The following CELSR1 variants were observed in gnomAD, a reference collection of about 807,000 sequenced individuals.
CELSR1 encodes adhesion G protein-coupled receptor C1.
A neutral mutation model predicts 249.1 loss-of-function variants in CELSR1; 110 were observed. That is an observed-to-expected ratio of 0.44 (90% CI 0.38 to 0.52). CELSR1 has a LOEUF of 0.52. Among genes scored for constraint, CELSR1 ranks in the 20% least tolerant of loss-of-function variants. The probability of loss-of-function intolerance (pLI) is 0.00; values close to 1 mark genes in which losing one functional copy is unlikely to be tolerated. For missense variants in CELSR1, 4,109 were observed against 4,296.4 expected, an observed-to-expected ratio of 0.96 and a Z score of 1.22; for synonymous variants, 2,113 against 1,900.0, an observed-to-expected ratio of 1.11 and a Z score of -2.92.
intron 1 of CELSR1, among the ~76,000 whole-genome samples, chr22:46,530,117 C>T (rs2080776793): frequency 6.6e-6 from 1 of 151,598 alleles, no homozygotes; most frequent in African/African-American, 2.4e-5. Flanking sequence ...GGAGACCAGA[C>T]TGAATAACAT....
rs1369934813 is a variant in CELSR1, at chr22:46,536,745, C to G, written c.426G>C (p.Ala142=). The change falls in exon 1 of 35, where the codon GCG becomes GCC. Residue 142 remains alanine (A), a synonymous_variant. Transcript: ENST00000674500. ...TCGGAGCTGCGAGCGCCGAATGCTG[C>G]GCGGCCGCGCAGCCGCCGGGGACGG... ...CFPVPGGCAA[A]QHSALAAPTT... 4 of 1,176,048 alleles carry G rather than the reference C, an allele frequency of 3.4e-6. No individual in the cohort carries two copies. Among genetic ancestry groups the G allele is most frequent in the Non-Finnish European group, 4.2e-6 (4 of 953,414 alleles). 72.9% of individuals were successfully genotyped at this position (1,176,048 alleles called of 1,614,324 possible).
chr22:46,490,831 C>T lies in CELSR1; in HGVS notation c.3545-26486G>A, dbSNP rs149225790. 9.7e-3 allele frequency among the ~76,000 whole-genome samples: 1,471 copies of T among 152,284 alleles called. 7 individuals are homozygous for T. The highest frequency in any genetic ancestry group is 0.034 in the Middle Eastern group (10 of 294). On this transcript the variant is annotated intron_variant, in intron 1 of 34. Transcript: ENST00000674500. The surrounding 1 kb of genome is among the most constrained non-coding windows in gnomAD (Gnocchi z 5.2). ...ACCCAGCTGGCCTGGGGCTGCTGCACGTGCCGCACCCTGATCCTCCAGGCA... is the reference window on the plus strand; with the variant it reads ...ACCCAGCTGGCCTGGGGCTGCTGCATGTGCCGCACCCTGATCCTCCAGGCA...
chr22:46,366,135 G>A (rs1266231755), intron 30 of CELSR1, among the ~76,000 whole-genome samples: 1 of 22,166 alleles, frequency 4.5e-5, no homozygotes, highest in South Asian at 2.3e-3. Context: ...AAGGTTGCAC[G>A]GGAAAAGGTT....
intron 25 of CELSR1, chr22:46,370,218 C>T: frequency 2.2e-6 from 1 of 447,948 alleles, no homozygotes; most frequent in South Asian, 1.6e-5. Flanking sequence ...GGCTCCAAAA[C>T]AGATGGAGGA....
rs183225310 is a variant in CELSR1 at position 46,524,154 on chromosome 22, C to T, written c.3544+9473G>A. Among the ~76,000 whole-genome samples, 7 of 152,328 alleles carry T rather than the reference C, an allele frequency of 4.6e-5. No homozygotes were observed. In the East Asian group the frequency reaches 1.4e-3, roughly 29 times the overall value. ...ACCCCAGAGTCTGCGCCTGGCTCTT[C>T]CTGTCGCTACAAGCTCTCTAGCCTC... On this transcript the variant is annotated intron_variant, in intron 1 of 34. Transcript: ENST00000674500.
intron 2 of CELSR1, among the ~76,000 whole-genome samples, chr22:46,453,467 G>A (rs1438868090): frequency 1.3e-5 from 2 of 152,152 alleles, no homozygotes; most frequent in Non-Finnish European, 2.9e-5. Flanking sequence ...GTCACGAACT[G>A]CCCTCATTAA....
chr22:46,537,126 C>A lies in CELSR1; in HGVS notation c.45G>T (p.Leu15=). The change falls in exon 1 of 35, where the codon CTG becomes CTT. Residue 15 remains leucine (L), a synonymous_variant. Coordinates refer to ENST00000674500, the MANE Select transcript of CELSR1 (RefSeq NM_001378328.1). This position sits in a 1 kb window ranked among gnomAD's most constrained non-coding sequence, Gnocchi z 5.8. ...PPPVLPVLLL[L]AAAAALPAMG... is the part of the protein sequence containing the mutation. Reference sequence around the variant, plus strand: ...TCGCCGGCAGGGCGGCGGCGGCGGCCAGGAGCAGCAGCACGGGCAGCACGG... The same window carrying A: ...TCGCCGGCAGGGCGGCGGCGGCGGCAAGGAGCAGCAGCACGGGCAGCACGG... 11 of 1,034,760 alleles carry A rather than the reference C, an allele frequency of 1.1e-5. No individual in the cohort carries two copies. Among genetic ancestry groups the A allele is most frequent in the Non-Finnish European group, 1.2e-5 (10 of 864,908 alleles). 64.1% of individuals were successfully genotyped at this position (1,034,760 alleles called of 1,614,324 possible). A position where few individuals can be genotyped will look rare whatever the true frequency, so the allele number is the denominator to read the frequency against.
At chr22:46,386,997 AT>A (rs2079040935) in intron 18 of CELSR1, among the ~76,000 whole-genome samples, 1 of 152,082 alleles carries the variant, frequency 6.6e-6, no homozygotes, top group East Asian at 1.9e-4. Context: ...ACCTCAGGTG[AT>A]TCACCTGCCT....
At chr22:46,456,717 G>C (rs1262233234) in intron 2 of CELSR1, among the ~76,000 whole-genome samples, 2 of 149,586 alleles carry the variant, frequency 1.3e-5, no homozygotes, top group East Asian at 2.0e-4. Flanking sequence ...CACAGCTGGA[G>C]TGACGTACAC....
chr22:46,456,429 G>A (rs1414530561), intron 2 of CELSR1, among the ~76,000 whole-genome samples: 1 of 152,144 alleles, frequency 6.6e-6, no homozygotes, highest in Non-Finnish European at 1.5e-5. Flanking sequence ...GGAGGCCAAG[G>A]CGGGCAGATC....
intron 1 of CELSR1, among the ~76,000 whole-genome samples, chr22:46,493,783 C>T: frequency 6.6e-6 from 1 of 152,128 alleles, no homozygotes; most frequent in East Asian, 1.9e-4. Flanking sequence ...TTTCTCTTGC[C>T]TGCCACCATG....
In CELSR1 at chr22:46,366,483, G is replaced by T. The variant is rs1025316799; in HGVS notation, c.8206-3C>A. The T allele has an allele frequency of 1.9e-5, 30 of 1,549,320 alleles. No homozygotes were observed. Among genetic ancestry groups the T allele is most frequent in the Non-Finnish European group, 2.5e-5 (29 of 1,145,946 alleles). ...GTGGTGTTGCAGTTGAGGGAGCGCT[G>T]AAGGGAGGGGAGGGGCTGGTCACTG... On this transcript the variant is annotated splice_polypyrimidine_tract_variant and splice_region_variant and intron_variant, in intron 29 of 34. Coordinates refer to ENST00000674500, the MANE Select transcript of CELSR1 (RefSeq NM_001378328.1).
At position 46,386,519 on chromosome 22, in the gene CELSR1, G is replaced by C. The variant is rs766828660; in HGVS notation, c.6622C>G (p.Arg2208Gly). Residue 2208 changes from arginine (R) to glycine (G), a missense_variant, in exon 19 of 35, where the codon CGG (arginine) becomes GGG (glycine). By Grantham distance (125) the Arg-to-Gly change is moderately radical (BLOSUM62 -2). Transcript: ENST00000674500. Reference sequence around the variant, plus strand: ...AGCTGTGCCGTGCCGCCCTCGCTCCGCTGGATCTGCTCCCACGCCGCCCTG... The same window carrying C: ...AGCTGTGCCGTGCCGCCCTCGCTCCCCTGGATCTGCTCCCACGCCGCCCTG... Reference protein sequence around the residue: ...ATRAAWEQIQRSEGGTAQLLR... With the variant: ...ATRAAWEQIQGSEGGTAQLLR... 131 of 1,596,742 alleles carry C rather than the reference G, an allele frequency of 8.2e-5. No individual in the cohort carries two copies. The highest frequency in any genetic ancestry group is 1.0e-4 in the Non-Finnish European group (120 of 1,172,952).
chr22:46,396,464 C>T lies in CELSR1; in HGVS notation c.5843+141G>A, dbSNP rs1200667896. On this transcript the variant is annotated intron_variant, in intron 13 of 34. Transcript: ENST00000674500. The surrounding 1 kb of genome is among the most constrained non-coding windows in gnomAD (Gnocchi z 6.4). ...AAATTTGATTTTCACTTAATTCATG[C>T]CAAATTAAAAAAAAATATGTCCCTG... 8.1e-6 allele frequency: 7 copies of T among 869,472 alleles called. No homozygotes were observed. Among genetic ancestry groups the T allele is most frequent in the South Asian group, 5.0e-5 (1 of 20,074 alleles). 53.9% of individuals were successfully genotyped at this position (869,472 alleles called of 1,614,324 possible).
Position 46,412,158 on chromosome 22 carries a change from G to C in CELSR1, c.4612-399C>G, listed in dbSNP as rs2079344995. Among the ~76,000 whole-genome samples the C allele has an allele frequency of 6.6e-6, 1 of 152,176 alleles. No individual in the cohort carries two copies. The highest frequency in any genetic ancestry group is 1.5e-5 in the Non-Finnish European group (1 of 68,022). On this transcript the variant is annotated intron_variant, in intron 5 of 34. Transcript: ENST00000674500. The surrounding 1 kb of genome is among the most constrained non-coding windows in gnomAD (Gnocchi z 4.5). ...GCTGGAGCAGCTGTTTACAAGCCAA[G>C]GGCCACCTGGGCCACCGACAGCTAG... is the stretch of plus-strand genomic sequence containing the variant.
At chr22:46,386,870 C>T (rs752223080) in intron 18 of CELSR1, among the ~76,000 whole-genome samples, 11 of 152,178 alleles carry the variant, frequency 7.2e-5, no homozygotes, top group Non-Finnish European at 1.3e-4. Context: ...TCTCTTGCTT[C>T]AACCTCCCGA....
intron 1 of CELSR1, among the ~76,000 whole-genome samples, chr22:46,525,183 T>C (rs1602241166): frequency 6.6e-6 from 1 of 152,202 alleles, no homozygotes; most frequent in Non-Finnish European, 1.5e-5. Context: ...GCGTGGTGGC[T>C]CACGCCTATA....
intron 1 of CELSR1, chr22:46,530,208 G>T: frequency 6.6e-6 from 1 of 152,324 alleles, no homozygotes; most frequent in South Asian, 1.9e-4. Context: ...GATCAAGGCT[G>T]ACATGAATCG....
chr22:46,378,100 G>A (rs1390115665), intron 23 of CELSR1, among the ~76,000 whole-genome samples: 2 of 152,222 alleles, frequency 1.3e-5, no homozygotes. Context: ...CACATTCCCA[G>A]GCCGCTTAAA....
Sources: gnomAD v4.1 joint callset for allele counts (sites outside exome capture counted in the v4.1 genomes callset) on GRCh38, gnomAD v4.1.1 for gene constraint, Gnocchi (gnomAD v3.1) non-coding constraint, MANE v1.5 for transcripts, NCBI Gene and HGNC (gene_info 2026-07-23, HGNC 2026-07-21) for gene names.